NPHS1: variants seen among roughly 807,000 people sequenced by gnomAD.
NPHS1 encodes NPHS1 adhesion molecule, nephrin, also known as nephrin.
A neutral mutation model predicts 139.7 loss-of-function variants in NPHS1; 107 were observed. The observed-to-expected ratio is 0.77, with a 90% CI of 0.66 to 0.90. The LOEUF (loss-of-function observed/expected upper bound fraction) is 0.90. Among genes scored for constraint, NPHS1 ranks in the 40% least tolerant of loss-of-function variants. NPHS1 has a pLI of 0.00. For missense variants in NPHS1, 1,580 were observed against 1,654.2 expected (o/e 0.96, Z 0.78); for synonymous variants, 707 against 706.6 (o/e 1.00, Z -0.01).
intron 20 of NPHS1, among the ~76,000 whole-genome samples, chr19:35,841,166 G>A (rs1017108313): frequency 4.0e-5 from 6 of 151,492 alleles, no homozygotes; most frequent in African/African-American, 1.5e-4. Flanking sequence ...ATCACCTGAG[G>A]TCAGGAGACC....
chr19:35,837,167 T>C (rs1210448164), intron 22 of NPHS1, among the ~76,000 whole-genome samples: 1 of 152,180 alleles, frequency 6.6e-6, no homozygotes, highest in Non-Finnish European at 1.5e-5. Flanking sequence ...GAGAGGGGAT[T>C]TGAACCCAAG....
chr19:35,851,449 T>C lies in NPHS1; in HGVS notation c.274+8A>G. On this transcript the variant is annotated splice_region_variant and intron_variant, in intron 2 of 28. Coordinates refer to ENST00000378910, the MANE Select transcript of NPHS1 (RefSeq NM_004646.4). ...GGTGGCTGAGGGTCTCAGGCTCTGA[T>C]CCCTTACCTCTAGCAGGGTCCCCTT... 7 of 1,613,272 alleles carry C rather than the reference T, an allele frequency of 4.3e-6. No homozygotes were observed. The highest frequency in any genetic ancestry group is 5.9e-6 in the Non-Finnish European group (7 of 1,179,858).
At chr19:35,849,919 G>C (rs1973209561) in intron 5 of NPHS1, among the ~76,000 whole-genome samples, 1 of 152,112 alleles carries the variant, frequency 6.6e-6, no homozygotes, top group Non-Finnish European at 1.5e-5. Context: ...TTGTTTATTT[G>C]TTTGTTTGTC....
intron 28 of NPHS1, 110 bp downstream of exon 28, chr19:35,830,733 TG>T (rs1972865481): frequency 1.3e-6 from 1 of 791,266 alleles, no homozygotes; most frequent in African/African-American, 1.7e-5. Context: ...CACTGGATCA[TG>T]GTCAGGCCTC....
At chr19:35,831,005 G>A (rs777233325) in intron 27 of NPHS1, 48 bp downstream of exon 27, 29 of 1,606,732 alleles carry the variant, frequency 1.8e-5, no homozygotes, top group East Asian at 4.5e-5. Flanking sequence ...CAGTCCAGGC[G>A]TCGGGGGTAC....
At position 35,846,079 on chromosome 19, in the gene NPHS1, G is replaced by T; in HGVS notation, c.1556C>A (p.Pro519Gln). ...FSRELVLVTGPSDNQAKFTCK... is the reference protein window; with the variant it reads ...FSRELVLVTGQSDNQAKFTCK... ...CGTGAACTTGGCCTGGTTGTCCGAC[G>T]GCCCTGTGACCAGCACCAGCTCTCG... Residue 519 changes from proline (P) to glutamine (Q), a missense_variant, in exon 12 of 29, where the codon CCG (proline) becomes CAG (glutamine). By Grantham distance (76) the Pro-to-Gln change is moderately conservative (BLOSUM62 -1). Transcript: ENST00000378910. 6.3e-7 allele frequency: 1 copy of T among 1,596,258 alleles called. No homozygotes were observed. The highest frequency in any genetic ancestry group is 8.5e-7 in the Non-Finnish European group (1 of 1,171,830).
chr19:35,839,661 A>G (rs901045648), intron 20 of NPHS1, 54 bp from the exon 21 acceptor site: 1 of 1,414,008 alleles, frequency 7.1e-7, no homozygotes, highest in Admixed American at 1.7e-5. Context: ...ATTCCAGAAG[A>G]TTCTGTCCAG....
At chr19:35,843,321 C>T in intron 17 of NPHS1, 151 bp downstream of exon 17, 2 of 1,017,812 alleles carry the variant, frequency 2.0e-6, no homozygotes, top group Admixed American at 1.8e-5. Context: ...CATTTTGCCA[C>T]CAACAGTTAT....
rs764727902 is a variant in NPHS1, at chr19:35,841,883, G to A, written c.2664-17C>T. ...TCCGTGTACCTAGAGAGAAGGTAGG[G>A]CACCACTCACCCTTCCATTCACCCA... On this transcript the variant is annotated splice_polypyrimidine_tract_variant and intron_variant, in intron 19 of 28. Transcript: ENST00000378910. 58 of 1,597,244 alleles carry A rather than the reference G, an allele frequency of 3.6e-5. No homozygotes were observed. Among genetic ancestry groups the A allele is most frequent in the Non-Finnish European group, 4.6e-5 (54 of 1,171,440 alleles).
At chr19:35,836,019 G>A (rs1972953244) in intron 22 of NPHS1, among the ~76,000 whole-genome samples, 1 of 146,550 alleles carries the variant, frequency 6.8e-6, no homozygotes, top group Non-Finnish European at 1.5e-5. Flanking sequence ...GAGTGCAGTG[G>A]CGCAATCTCA....
chr19:35,845,862 C>A lies in NPHS1; in HGVS notation c.1628-64G>T, dbSNP rs1973132571. ...GGGGCGGCCTGGTCTGCGTCCACCC[C>A]GCCTGCACCCCAGGCTCCGCCCAGT... On this transcript the variant is annotated intron_variant, in intron 12 of 28. Coordinates refer to ENST00000378910, the MANE Select transcript of NPHS1 (RefSeq NM_004646.4). This position sits in a 1 kb window ranked among gnomAD's most constrained non-coding sequence, Gnocchi z 5.5. 15 of 1,580,438 alleles carry A rather than the reference C, an allele frequency of 9.5e-6. No homozygotes were observed. Among genetic ancestry groups the A allele is most frequent in the Non-Finnish European group, 1.3e-5 (15 of 1,160,632 alleles).
At position 35,845,046 on chromosome 19, in the gene NPHS1, C is replaced by T. The variant is rs1973115883; in HGVS notation, c.1930+322G>A. On this transcript the variant is annotated intron_variant, in intron 14 of 28. Coordinates refer to ENST00000378910, the MANE Select transcript of NPHS1 (RefSeq NM_004646.4). The surrounding 1 kb of genome is among the most constrained non-coding windows in gnomAD (Gnocchi z 5.5). ...ACTTTGAGAGGCCAACGCAGGAGAA[C>T]TGCTTGAGCCCAGGGGTTCAAGACC... is the stretch of plus-strand genomic sequence containing the variant. Among the ~76,000 whole-genome samples, 2 of 152,138 alleles carry T rather than the reference C, an allele frequency of 1.3e-5. No homozygotes were observed. The highest frequency in any genetic ancestry group is 6.5e-5 in the Admixed American group (1 of 15,268).
chr19:35,827,083 C>T (rs892335423), intron 28 of NPHS1, among the ~76,000 whole-genome samples: 8 of 152,200 alleles, frequency 5.3e-5, no homozygotes, highest in Admixed American at 4.6e-4. Context: ...TCAATCCATC[C>T]TCCCACTTCA....
At chr19:35,834,510 A>G (rs1315184072) in intron 23 of NPHS1, among the ~76,000 whole-genome samples, 1 of 152,176 alleles carries the variant, frequency 6.6e-6, no homozygotes, top group Non-Finnish European at 1.5e-5. Context: ...GGCTTCTTAC[A>G]GGACATGGAG....
rs746189747 is a variant in NPHS1 at position 35,844,364 on chromosome 19, G to A, written c.2026C>T (p.Pro676Ser). 1.2e-5 allele frequency: 19 copies of A among 1,613,572 alleles called. No homozygotes were observed. The highest frequency in any genetic ancestry group is 3.3e-5 in the South Asian group (3 of 91,018). The part of the protein sequence containing the change: ...LPVSVSANPA[P>S]EAFNWTFRGY... Reference sequence around the variant, plus strand: ...CGGAAGGTCCAGTTGAAGGCCTCGGGGGCGGGGTTAGCGGACACGGACACG... The same window carrying A: ...CGGAAGGTCCAGTTGAAGGCCTCGGAGGCGGGGTTAGCGGACACGGACACG... The change falls in exon 15 of 29, where the codon CCC becomes TCC. Residue 676 changes from proline to serine, a missense_variant. Coordinates refer to ENST00000378910, the MANE Select transcript of NPHS1 (RefSeq NM_004646.4).
chr19:35,829,157 G>A (rs184023454), intron 28 of NPHS1, among the ~76,000 whole-genome samples: 1 of 152,308 alleles, frequency 6.6e-6, no homozygotes, highest in Non-Finnish European at 1.5e-5. Context: ...ACCTGAGTGG[G>A]GCTGGCCCCT....
intron 16 of NPHS1, chr19:35,843,835 C>G (rs1973094938): frequency 4.6e-6 from 3 of 649,144 alleles, no homozygotes; most frequent in Non-Finnish European, 7.9e-6. Flanking sequence ...GTGTGTGTAG[C>G]AGGGCTTATA....
In NPHS1 at chr19:35,831,732, A is replaced by G. The variant is rs535045193; in HGVS notation, c.3197T>C (p.Leu1066Pro). The G allele has an allele frequency of 6.3e-7, 1 of 1,583,990 alleles. No homozygotes were observed. The highest frequency in any genetic ancestry group is 8.6e-7 in the Non-Finnish European group (1 of 1,165,464). The change falls in exon 24 of 29, where the codon CTG becomes CCG. Residue 1066 changes from leucine to proline, a missense_variant. Transcript: ENST00000378910. ...GPSGLPLLPV[L>P]FALGGLLLLS... ...GAGCAGAAGCCCCCCAAGAGCGAAC[A>G]GCACAGGCAGCAGGGGCAGCCCCGA...
intron 14 of NPHS1, 104 bp from the exon 15 acceptor site, chr19:35,844,563 C>G (rs1599842931): frequency 7.9e-7 from 1 of 1,268,568 alleles, no homozygotes; most frequent in Non-Finnish European, 1.1e-6. Flanking sequence ...GGGGTCACGA[C>G]GGGGTTTAAG....
Sources: allele counts gnomAD v4.1 joint callset (sites outside exome capture counted in the v4.1 genomes callset), GRCh38; gene constraint gnomAD v4.1.1; non-coding constraint Gnocchi (gnomAD v3.1); transcripts MANE v1.5; gene names NCBI Gene and HGNC (gene_info 2026-07-23, HGNC 2026-07-21).